Variants in CNTLN observed in about 807,000 individuals in gnomAD.
CNTLN encodes centlein.
CNTLN carries 212 observed loss-of-function variants against 180.0 expected under a neutral mutation model. The ratio of observed to expected loss-of-function variants is 1.18; its 90% CI spans 1.05 to 1.32. CNTLN has a LOEUF of 1.32. Ranked by LOEUF, CNTLN falls within the 40% of genes most tolerant of loss-of-function variation. The probability of loss-of-function intolerance (pLI) is 0.00; values close to 1 mark genes in which losing one functional copy is unlikely to be tolerated. For synonymous variants in CNTLN, 722 were observed against 563.1 expected, an observed-to-expected ratio of 1.28 and a Z score of -3.99; for missense variants, 2,095 against 1,610.9, an observed-to-expected ratio of 1.30 and a Z score of -5.14.
At chr9:17,500,345 C>A (rs1833676430) in intron 25 of CNTLN, among the ~76,000 whole-genome samples, 1 of 152,124 alleles carries the variant, frequency 6.6e-6, no homozygotes, top group Non-Finnish European at 1.5e-5. Flanking sequence ...AGGTAATGTC[C>A]ATGTTGAAAA....
chr9:17,495,610 A>G (rs959469796), intron 25 of CNTLN, among the ~76,000 whole-genome samples: 1 of 152,080 alleles, frequency 6.6e-6, no homozygotes, highest in Non-Finnish European at 1.5e-5. Context: ...ACAGTAAGCT[A>G]AAGTTAATTT....
intron 12 of CNTLN, among the ~76,000 whole-genome samples, chr9:17,355,334 T>C (rs1328952357): frequency 1.3e-5 from 2 of 152,208 alleles, no homozygotes; most frequent in Non-Finnish European, 2.9e-5. Flanking sequence ...CATAGTTCTT[T>C]ACATATTCTA....
At chr9:17,298,165 T>C in intron 6 of CNTLN, 25 bp from the exon 7 acceptor site, 1 of 1,402,078 alleles carries the variant, frequency 7.1e-7, no homozygotes, top group Non-Finnish European at 9.3e-7. Flanking sequence ...CATACTTTTC[T>C]CTATTTATTG....
chr9:17,499,350 A>G (rs1833625210), intron 25 of CNTLN, among the ~76,000 whole-genome samples: 1 of 152,232 alleles, frequency 6.6e-6, no homozygotes, highest in Non-Finnish European at 1.5e-5. Flanking sequence ...ATAACTCTCA[A>G]TTAACCAAAA....
At chr9:17,475,457 A>C (rs536216956) in intron 23 of CNTLN, among the ~76,000 whole-genome samples, 11 of 151,880 alleles carry the variant, frequency 7.2e-5, no homozygotes, top group African/African-American at 2.7e-4. Context: ...TGATGGAAAA[A>C]AGAAATAAAG....
At chr9:17,189,089 TTTTTTTTTTTTG>T (rs1821626032) in intron 2 of CNTLN, among the ~76,000 whole-genome samples, 1 of 137,020 alleles carries the variant, frequency 7.3e-6, no homozygotes, top group African/African-American at 2.8e-5. Flanking sequence ...TTTTTTTTTT[TTTTTTTTTTTTG>T]AGATGGAGCA....
At chr9:17,239,317 T>TTAC (rs1825346847) in intron 5 of CNTLN, among the ~76,000 whole-genome samples, 1 of 152,214 alleles carries the variant, frequency 6.6e-6, no homozygotes, top group South Asian at 2.1e-4. Flanking sequence ...TTTTCATGTA[T>TTAC]TACTATCTTT....
chr9:17,306,211 A>G (rs1759461), intron 7 of CNTLN, among the ~76,000 whole-genome samples: 29,338 of 144,856 alleles, frequency 0.2, 3,580 homozygotes, highest in African/African-American at 0.35. Flanking sequence ...GTGCAATGGC[A>G]CGATCTCATC....
intron 2 of CNTLN, among the ~76,000 whole-genome samples, chr9:17,174,255 TG>T (rs1820580748): frequency 6.6e-6 from 1 of 152,220 alleles, no homozygotes; most frequent in African/African-American, 2.4e-5. Flanking sequence ...ACATCTGGGT[TG>T]TTTCCAGTTT....
chr9:17,288,862 T>G (rs1364642467), intron 6 of CNTLN, among the ~76,000 whole-genome samples: 1 of 121,352 alleles, frequency 8.2e-6, no homozygotes, highest in Non-Finnish European at 1.7e-5. Context: ...ATTTGCTTGG[T>G]AGATCTTCCT....
At chr9:17,479,046 G>A (rs1430932979) in intron 23 of CNTLN, among the ~76,000 whole-genome samples, 2 of 152,200 alleles carry the variant, frequency 1.3e-5, no homozygotes, top group Non-Finnish European at 2.9e-5. Flanking sequence ...AAGATAATAA[G>A]TGTGAGTGAG....
At chr9:17,439,386 A>G (rs971674534) in intron 18 of CNTLN, among the ~76,000 whole-genome samples, 3 of 152,248 alleles carry the variant, frequency 2.0e-5, no homozygotes, top group African/African-American at 7.2e-5. Flanking sequence ...CAAGTGAAGT[A>G]GAAAATACTT....
chr9:17,144,836 A>T (rs949707161), intron 2 of CNTLN, among the ~76,000 whole-genome samples: 6 of 149,402 alleles, frequency 4.0e-5, no homozygotes, highest in South Asian at 4.2e-4. Flanking sequence ...TATTTTTTTT[A>T]TTTTATTTTT....
intron 18 of CNTLN, among the ~76,000 whole-genome samples, chr9:17,418,059 G>A (rs1468713325): frequency 6.6e-6 from 1 of 151,792 alleles, no homozygotes; most frequent in African/African-American, 2.4e-5. Context: ...CAAGGTAAAT[G>A]TCTTACTTTT....
intron 7 of CNTLN, 25 bp downstream of exon 7, chr9:17,298,377 A>T: frequency 6.4e-7 from 1 of 1,570,478 alleles, no homozygotes. Context: ...TGTAATAAAG[A>T]TGTAAATGTT....
At chr9:17,326,635 C>G (rs2133081774) in intron 8 of CNTLN, among the ~76,000 whole-genome samples, 1 of 152,170 alleles carries the variant, frequency 6.6e-6, no homozygotes, top group Non-Finnish European at 1.5e-5. Context: ...GTGGAGTAAT[C>G]TGACAAAACT....
At chr9:17,338,295 G>A (rs1341938813) in intron 10 of CNTLN, among the ~76,000 whole-genome samples, 1 of 142,946 alleles carries the variant, frequency 7.0e-6, no homozygotes, top group East Asian at 2.1e-4. Context: ...CTCCTGAGTA[G>A]CTGAGATTAC....
At chr9:17,226,941 A>T (rs1397489655) in intron 3 of CNTLN, among the ~76,000 whole-genome samples, 3 of 150,934 alleles carry the variant, frequency 2.0e-5, no homozygotes, top group African/African-American at 7.3e-5. Context: ...TTATATATAT[A>T]TTTTTTTATA....
intron 2 of CNTLN, among the ~76,000 whole-genome samples, chr9:17,156,357 A>T (rs534690227): frequency 3.9e-5 from 6 of 152,290 alleles, no homozygotes; most frequent in African/African-American, 1.4e-4. Context: ...ATTCTCTATT[A>T]TAATTAAATA....
Sources: gnomAD v4.1 joint callset for allele counts (sites outside exome capture counted in the v4.1 genomes callset) on GRCh38, gnomAD v4.1.1 for gene constraint, MANE v1.5 for transcripts, NCBI Gene and HGNC (gene_info 2026-07-23, HGNC 2026-07-21) for gene names.